The following ERC1 variants were observed in gnomAD, a reference collection of about 807,000 sequenced individuals.
ERC1 encodes the protein RAB6 interacting protein 2.
A neutral mutation model predicts 132.0 loss-of-function variants in ERC1; 56 were observed. The observed-to-expected ratio is 0.42, with a 90% CI of 0.34 to 0.53. The LOEUF is 0.53. ERC1 is among the 20% of genes least tolerant of loss of function. The pLI is 0.03. For missense variants in ERC1, 1,202 were observed against 1,349.9 expected (o/e 0.89, Z 1.72); for synonymous variants, 478 against 476.1 (o/e 1.00, Z -0.05).
chr12:1,268,667 G>T (rs2077623414), intron 14 of ERC1, among the ~76,000 whole-genome samples: 1 of 152,220 alleles, frequency 6.6e-6, no homozygotes, highest in South Asian at 2.1e-4. Flanking sequence ...TCGGGAGGCT[G>T]AGGCAGGAGA....
chr12:1,304,521 C>T (rs1011125908), intron 15 of ERC1, among the ~76,000 whole-genome samples: 2 of 152,138 alleles, frequency 1.3e-5, no homozygotes, highest in Admixed American at 6.6e-5. Flanking sequence ...TCTGCGAAGG[C>T]AAGATACATG....
intron 13 of ERC1, among the ~76,000 whole-genome samples, chr12:1,252,700 A>C (rs1364882870): frequency 6.6e-6 from 1 of 152,148 alleles, no homozygotes; most frequent in African/African-American, 2.4e-5. Context: ...TTTTAAGGAG[A>C]AGGAGGGAGA....
At chr12:1,410,665 G>A (rs1205718979) in intron 17 of ERC1, among the ~76,000 whole-genome samples, 1 of 136,650 alleles carries the variant, frequency 7.3e-6, no homozygotes, top group East Asian at 2.1e-4. Flanking sequence ...TTTTCTCGTT[G>A]TGTGTTAATA....
At chr12:1,204,377 C>G in intron 12 of ERC1, 13 of 703,492 alleles carry the variant, frequency 1.8e-5, no homozygotes, top group Non-Finnish European at 2.8e-5. Context: ...GAATTTGTGA[C>G]TCCTTCCCTT....
chr12:1,406,885 A>G (rs1041915753), intron 16 of ERC1, among the ~76,000 whole-genome samples: 1 of 152,178 alleles, frequency 6.6e-6, no homozygotes, highest in African/African-American at 2.4e-5. Flanking sequence ...AAATATAACA[A>G]AGAAAACCCA....
At chr12:1,413,589 C>T (rs893732116) in intron 17 of ERC1, among the ~76,000 whole-genome samples, 5 of 151,506 alleles carry the variant, frequency 3.3e-5, no homozygotes, top group African/African-American at 1.2e-4. Flanking sequence ...GCAAGACAGT[C>T]TCCAAAAAAA....
intron 12 of ERC1, among the ~76,000 whole-genome samples, chr12:1,218,831 T>C (rs556214793): frequency 7.6e-4 from 105 of 137,282 alleles, no homozygotes; most frequent in African/African-American, 3.0e-3. Flanking sequence ...TATATATATA[T>C]ATACACACAC....
At chr12:1,381,348 A>T (rs915108823) in intron 16 of ERC1, 2 of 151,786 alleles carry the variant, frequency 1.3e-5, no homozygotes, top group African/African-American at 4.8e-5. Context: ...TTATTTTTTT[A>T]TTTACTGATT....
Position 1,473,679 on chromosome 12 carries a change from C to G in ERC1, c.3214-16414C>G, listed in dbSNP as rs541282036. 2.7e-5 allele frequency among the ~76,000 whole-genome samples: 4 copies of G among 150,806 alleles called. No homozygotes were observed. The East Asian group carries it at 7.8e-4, about 30-fold the overall frequency. ...AGGGAGGGAGAAGGAGAAGTCCCCA[C>G]AGCAGCCTCACAGCCATTACCACTT... On this transcript the variant is annotated intron_variant, in intron 18 of 18. Transcript: ENST00000360905.
intron 15 of ERC1, among the ~76,000 whole-genome samples, chr12:1,336,924 A>T (rs976074345): frequency 2.0e-5 from 3 of 151,836 alleles, no homozygotes; most frequent in Admixed American, 6.6e-5. Context: ...CAGCTTCCTC[A>T]GTAGCTGGGA....
At chr12:1,036,083 A>G (rs182458782) in intron 2 of ERC1, among the ~76,000 whole-genome samples, 220 of 152,300 alleles carry the variant, frequency 1.4e-3, no homozygotes, top group African/African-American at 5.1e-3. Context: ...TGTCATTGAA[A>G]TATTTCATGA....
intron 14 of ERC1, among the ~76,000 whole-genome samples, chr12:1,281,889 A>G (rs527580329): frequency 2.2e-4 from 33 of 152,278 alleles, no homozygotes; most frequent in African/African-American, 7.9e-4. Flanking sequence ...CAGTGACGCA[A>G]GATACTGAGG....
intron 7 of ERC1, among the ~76,000 whole-genome samples, chr12:1,134,193 A>AC (rs1949034690): frequency 6.6e-6 from 1 of 151,846 alleles, no homozygotes; most frequent in Admixed American, 6.6e-5. Flanking sequence ...CTCCTCGTGC[A>AC]CCCCCTCCCC....
intron 12 of ERC1, among the ~76,000 whole-genome samples, chr12:1,216,244 AT>A (rs1270737849): frequency 3.3e-5 from 5 of 152,110 alleles, no homozygotes; most frequent in African/African-American, 1.2e-4. Context: ...TGATTTAATG[AT>A]TTTTATTTTA....
chr12:1,439,671 T>C (rs539433254), intron 17 of ERC1, among the ~76,000 whole-genome samples: 2 of 152,282 alleles, frequency 1.3e-5, no homozygotes, highest in African/African-American at 4.8e-5. Flanking sequence ...CAGTTCATTA[T>C]AGCTGTACAA....
intron 2 of ERC1, among the ~76,000 whole-genome samples, chr12:1,063,422 G>A (rs1391714840): frequency 6.6e-6 from 1 of 152,100 alleles, no homozygotes; most frequent in African/African-American, 2.4e-5. Context: ...CACCACGCCT[G>A]GCTAATTTTT....
At chr12:1,356,213 A>AAGTGT (rs1491368587) in intron 15 of ERC1, among the ~76,000 whole-genome samples, 2 of 130,010 alleles carry the variant, frequency 1.5e-5, no homozygotes, top group Non-Finnish European at 3.1e-5. Context: ...AAAAAAAAAA[A>AAGTGT]GTGTGTGTGT....
intron 15 of ERC1, among the ~76,000 whole-genome samples, chr12:1,325,264 C>T (rs1043889272): frequency 1.3e-5 from 2 of 152,128 alleles, no homozygotes. Flanking sequence ...GTCTGTATTG[C>T]TGAATTGTCA....
At chr12:1,323,676 A>T (rs2082262851) in intron 15 of ERC1, among the ~76,000 whole-genome samples, 1 of 152,176 alleles carries the variant, frequency 6.6e-6, no homozygotes. Context: ...GAGTATGGGT[A>T]GGTAAAGTAT....
Sources: allele counts gnomAD v4.1 joint callset (sites outside exome capture counted in the v4.1 genomes callset), GRCh38; gene constraint gnomAD v4.1.1; transcripts MANE v1.5; gene names NCBI Gene and HGNC (gene_info 2026-07-23, HGNC 2026-07-21).